PDE4D: variants seen among roughly 807,000 people sequenced by gnomAD.
The protein encoded by PDE4D is 3',5'-cyclic-AMP phosphodiesterase 4D.
PDE4D carries 24 observed loss-of-function variants against 87.4 expected under a neutral mutation model. The observed-to-expected ratio is 0.27, with a 90% CI of 0.20 to 0.39. PDE4D has a LOEUF of 0.39. PDE4D is among the 10% of genes least tolerant of loss of function. The pLI is 1.00. For synonymous variants in PDE4D, 384 were observed against 383.2 expected, an observed-to-expected ratio of 1.00 and a Z score of -0.02; for missense variants, 714 against 1,041.0, an observed-to-expected ratio of 0.69 and a Z score of 4.32.
Position 59,141,949 on chromosome 5 carries a change from C to T in PDE4D, c.808+38646G>A, listed in dbSNP as rs540744156. ...CCACTGACCCATGGGATGTGGTTAA[C>T]TTGTGTCTTCTAAGGCCAGCTGTGA... On this transcript the variant is annotated intron_variant, in intron 5 of 14. Coordinates refer to ENST00000340635, the MANE Select transcript of PDE4D (RefSeq NM_001104631.2). Among the ~76,000 whole-genome samples, 18 of 152,292 alleles carry T rather than the reference C, an allele frequency of 1.2e-4. No individual in the cohort carries two copies. In the South Asian group the frequency reaches 1.5e-3, roughly 12 times the overall value.
chr5:59,719,417 G>T (rs1425071943), intron 1 of PDE4D, among the ~76,000 whole-genome samples: 1 of 152,142 alleles, frequency 6.6e-6, no homozygotes, highest in East Asian at 1.9e-4. Context: ...ATATAATGAA[G>T]TACTTGGGAA....
chr5:60,157,861 TTTC>T (rs1782120679), intron 2 of PDE4D, among the ~76,000 whole-genome samples: 5 of 151,914 alleles, frequency 3.3e-5, no homozygotes, highest in African/African-American at 1.2e-4. Context: ...TCTTTTCTTT[TTTC>T]TTTTTTCTTT....
chr5:59,894,330 T>G (rs916001913), upstream of PDE4D, among the ~76,000 whole-genome samples: 1 of 152,202 alleles, frequency 6.6e-6, no homozygotes, highest in Non-Finnish European at 1.5e-5. Context: ...ATGCTGGTGC[T>G]TCCAAAGATA....
chr5:58,976,022 C>G (rs540111741), intron 13 of PDE4D, among the ~76,000 whole-genome samples, 183 bp from the exon 14 acceptor site: 1 of 152,184 alleles, frequency 6.6e-6, no homozygotes, highest in South Asian at 2.1e-4. Context: ...TTAATAGTTC[C>G]AAATTATGCC....
At chr5:59,638,890 T>C (rs1280524865) in intron 1 of PDE4D, among the ~76,000 whole-genome samples, 1 of 152,182 alleles carries the variant, frequency 6.6e-6, no homozygotes, top group Non-Finnish European at 1.5e-5. Context: ...TATATGGCAT[T>C]TCACAGGTAC....
intron 1 of PDE4D, among the ~76,000 whole-genome samples, chr5:59,483,294 A>G (rs2153657078): frequency 6.6e-6 from 1 of 152,284 alleles, no homozygotes; most frequent in African/African-American, 2.4e-5. Flanking sequence ...GTATGCATAT[A>G]TCATATAGGT....
intron 2 of PDE4D, among the ~76,000 whole-genome samples, chr5:60,094,577 T>G (rs932678024): frequency 6.8e-6 from 1 of 146,716 alleles, no homozygotes; most frequent in Admixed American, 6.9e-5. Flanking sequence ...TAACCCAATG[T>G]GAGTGACATG....
chr5:59,697,879 G>T (rs532986700), intron 1 of PDE4D, among the ~76,000 whole-genome samples: 101 of 152,246 alleles, frequency 6.6e-4, no homozygotes, highest in Non-Finnish European at 1.3e-3. Context: ...CTAGCCCTTG[G>T]TCCTACTTGA....
intron 1 of PDE4D, among the ~76,000 whole-genome samples, chr5:59,346,343 T>A (rs1562003014): frequency 6.6e-6 from 1 of 152,126 alleles, no homozygotes; most frequent in Non-Finnish European, 1.5e-5. Flanking sequence ...ACCAAATAGA[T>A]CCTTGCAGAG....
intron 2 of PDE4D, among the ~76,000 whole-genome samples, chr5:60,105,197 G>C (rs1582674278): frequency 1.3e-5 from 2 of 152,346 alleles, no homozygotes; most frequent in African/African-American, 4.8e-5. Flanking sequence ...GCCAAGGCTT[G>C]AGAACTACGT....
At chr5:59,561,537 A>G (rs1449783196) in intron 1 of PDE4D, among the ~76,000 whole-genome samples, 1 of 152,174 alleles carries the variant, frequency 6.6e-6, no homozygotes, top group Non-Finnish European at 1.5e-5. Flanking sequence ...TTGTTTTTGG[A>G]AATTTGAAAA....
intron 1 of PDE4D, among the ~76,000 whole-genome samples, chr5:60,322,975 T>C (rs1355464732): frequency 6.6e-6 from 1 of 152,268 alleles, no homozygotes; most frequent in Non-Finnish European, 1.5e-5. Context: ...TATCAAAATA[T>C]ATCATCCTTT....
At chr5:59,786,444 A>C (rs1456351252) in intron 1 of PDE4D, among the ~76,000 whole-genome samples, 1 of 152,226 alleles carries the variant, frequency 6.6e-6, no homozygotes, top group Non-Finnish European at 1.5e-5. Flanking sequence ...ACAGCTAATT[A>C]ACAGGGCTGC....
intron 1 of PDE4D, among the ~76,000 whole-genome samples, chr5:60,245,073 A>G (rs925121772): frequency 2.6e-5 from 4 of 152,052 alleles, no homozygotes; most frequent in African/African-American, 9.7e-5. Flanking sequence ...ACCAGAACAT[A>G]TAAGGAGCAC....
At chr5:60,483,168 G>T (rs923937084) in intron 1 of PDE4D, among the ~76,000 whole-genome samples, 1 of 151,980 alleles carries the variant, frequency 6.6e-6, no homozygotes, top group African/African-American at 2.4e-5. Context: ...CTTTTCTGGG[G>T]GTGGGTGGGG....
At chr5:60,168,664 T>G (rs1027048340) in intron 2 of PDE4D, among the ~76,000 whole-genome samples, 1 of 152,214 alleles carries the variant, frequency 6.6e-6, no homozygotes, top group Non-Finnish European at 1.5e-5. Flanking sequence ...CTTGTGTACT[T>G]TAAACCACCT....
intron 5 of PDE4D, among the ~76,000 whole-genome samples, chr5:59,137,398 T>G (rs2153453659): frequency 6.6e-6 from 1 of 152,204 alleles, no homozygotes; most frequent in South Asian, 2.1e-4. Flanking sequence ...CTAAATGGGT[T>G]TTCAAGGCAA....
rs1743586672 is a variant in PDE4D at position 59,189,041 on chromosome 5, C to T, written c.685-3779G>A. Among the ~76,000 whole-genome samples, 4 of 152,010 alleles carry T rather than the reference C, an allele frequency of 2.6e-5. No homozygotes were observed. In the South Asian group the frequency reaches 8.3e-4, roughly 32 times the overall value. Reference sequence around the variant, plus strand: ...GCAAGCTTGAGGATGGTGATGAGGCCACAAGATCGTTGCTGCTGGGTGAAG... The same window carrying T: ...GCAAGCTTGAGGATGGTGATGAGGCTACAAGATCGTTGCTGCTGGGTGAAG... On this transcript the variant is annotated intron_variant, in intron 3 of 14. Transcript: ENST00000340635.
At chr5:59,662,403 T>C (rs77199476) in intron 1 of PDE4D, among the ~76,000 whole-genome samples, 41 of 152,244 alleles carry the variant, frequency 2.7e-4, no homozygotes, top group Admixed American at 4.6e-4. Flanking sequence ...GCAGATGGAG[T>C]GATTATCTGT....
Sources: gnomAD v4.1 joint callset for allele counts (sites outside exome capture counted in the v4.1 genomes callset) on GRCh38, gnomAD v4.1.1 for gene constraint, MANE v1.5 for transcripts, NCBI Gene and HGNC (gene_info 2026-07-23, HGNC 2026-07-21) for gene names.